CNTNAP2: variants seen among roughly 807,000 people sequenced by gnomAD.
CNTNAP2 encodes contactin-associated protein-like 2.
In CNTNAP2, 98 loss-of-function variants were observed where a neutral mutation model predicts 155.2. The ratio of observed to expected loss-of-function variants is 0.63; its 90% CI spans 0.54 to 0.75. CNTNAP2 has a LOEUF of 0.75. CNTNAP2 is among the 30% of genes least tolerant of loss of function. The pLI is 0.00. For synonymous variants in CNTNAP2, 651 were observed against 631.2 expected, an observed-to-expected ratio of 1.03 and a Z score of -0.47; for missense variants, 1,727 against 1,688.1, an observed-to-expected ratio of 1.02 and a Z score of -0.40.
chr7:147,826,472 G>A (rs1402104212), intron 13 of CNTNAP2, among the ~76,000 whole-genome samples: 1 of 152,102 alleles, frequency 6.6e-6, no homozygotes, highest in African/African-American at 2.4e-5. Flanking sequence ...TGGTGACCAA[G>A]AATTTCCTTT....
chr7:147,163,335 AAAT>A (rs546981543), intron 8 of CNTNAP2, among the ~76,000 whole-genome samples: 92 of 152,330 alleles, frequency 6.0e-4, no homozygotes, highest in African/African-American at 2.1e-3. Context: ...AAACAGAAAT[AAAT>A]AATAACACAG....
At chr7:146,599,719 A>G (rs1257335167) in intron 1 of CNTNAP2, among the ~76,000 whole-genome samples, 1 of 146,816 alleles carries the variant, frequency 6.8e-6, no homozygotes, top group Non-Finnish European at 1.5e-5. Context: ...CTATAGAGAC[A>G]GAGAGCCAGA....
At chr7:147,807,322 C>CAAAAAAAAAAA (rs768465391) in intron 13 of CNTNAP2, among the ~76,000 whole-genome samples, 1 of 64,776 alleles carries the variant, frequency 1.5e-5, no homozygotes, top group African/African-American at 6.1e-5. Flanking sequence ...GTCCTTGACT[C>CAAAAAAAAAAA]AAAAAAAAAA....
At chr7:146,777,982 T>A (rs1013860716) in intron 2 of CNTNAP2, among the ~76,000 whole-genome samples, 7 of 152,158 alleles carry the variant, frequency 4.6e-5, no homozygotes, top group Admixed American at 2.0e-4. Context: ...AGAAAAAATA[T>A]ATGAACATTA....
intron 1 of CNTNAP2, among the ~76,000 whole-genome samples, chr7:146,631,283 T>C (rs142273401): frequency 5.5e-4 from 84 of 152,266 alleles, no homozygotes; most frequent in African/African-American, 1.7e-3. Context: ...GGAAAACAAA[T>C]ATTTGAAATG....
intron 13 of CNTNAP2, among the ~76,000 whole-genome samples, chr7:147,887,090 C>G (rs1199544904): frequency 1.3e-5 from 2 of 152,204 alleles, no homozygotes; most frequent in Non-Finnish European, 2.9e-5. Flanking sequence ...CCATGCCTCT[C>G]CCTTGCTTTA....
intron 16 of CNTNAP2, among the ~76,000 whole-genome samples, chr7:148,143,286 G>C (rs1005831516): frequency 6.6e-6 from 1 of 152,178 alleles, no homozygotes; most frequent in Non-Finnish European, 1.5e-5. Context: ...CTCTATATCA[G>C]TTAAGATGCT....
chr7:146,844,050 A>G (rs1803796806), intron 3 of CNTNAP2, among the ~76,000 whole-genome samples: 1 of 152,160 alleles, frequency 6.6e-6, no homozygotes, highest in Non-Finnish European at 1.5e-5. Flanking sequence ...GAAATGGACA[A>G]CATAAGTAAT....
rs142645149 is a variant in CNTNAP2 at position 146,131,438 on chromosome 7, T to A, written c.97+14465T>A. ...TCTCACATAGTTTTTATTAGAGAGG[T>A]ATGCATTTATAAGCTGCCAACAAGT... On this transcript the variant is annotated intron_variant, in intron 1 of 23. Transcript: ENST00000361727. Among the ~76,000 whole-genome samples the A allele has an allele frequency of 2.6e-5, 4 of 152,328 alleles. No homozygotes were observed. The East Asian group carries it at 7.7e-4, about 29-fold the overall frequency.
At chr7:147,596,978 G>C (rs1800836886) in intron 12 of CNTNAP2, among the ~76,000 whole-genome samples, 1 of 145,744 alleles carries the variant, frequency 6.9e-6, no homozygotes, top group Non-Finnish European at 1.5e-5. Context: ...ATGGTCTAAA[G>C]AAGGGAGGAG....
At position 148,250,843 on chromosome 7, in the gene CNTNAP2, CT is replaced by C. The variant is rs778942554; in HGVS notation, c.3382-16187del. 8.2e-4 allele frequency among the ~76,000 whole-genome samples: 125 copies of C among 152,196 alleles called. 2 individuals are homozygous for C. The highest frequency in any genetic ancestry group is 6.1e-3 in the Admixed American group (93 of 15,276). Reference sequence around the variant, plus strand: ...CAAATCTATTCATATTTTTGTTTTGCTTTGTTTTTTCTGCTCTGTTTAGAGT... The same window carrying C: ...CAAATCTATTCATATTTTTGTTTTGCTTGTTTTTTCTGCTCTGTTTAGAGT... On this transcript the variant is annotated intron_variant, in intron 20 of 23. Transcript: ENST00000361727.
chr7:148,086,813 C>T (rs1211980323), intron 15 of CNTNAP2, among the ~76,000 whole-genome samples: 2 of 152,198 alleles, frequency 1.3e-5, no homozygotes, highest in East Asian at 3.8e-4. Flanking sequence ...TAAGGAGATT[C>T]AGACACTAGC....
chr7:147,339,196 C>CA lies in CNTNAP2; in HGVS notation c.1498+38914dup, dbSNP rs200112329. ...CTGTGGTTTGGATGTGATTTGCTTC[C>CA]AAAAAAAATGATATTAAAATTTAAT... On this transcript the variant is annotated intron_variant, in intron 9 of 23. Transcript: ENST00000361727. Among the ~76,000 whole-genome samples the CA allele has an allele frequency of 4.1e-5, 5 of 122,992 alleles. No individual in the cohort carries two copies. In the South Asian group the frequency reaches 9.2e-4, roughly 23 times the overall value. 80.7% of individuals were successfully genotyped at this position (122,992 alleles called of 152,430 possible).
intron 13 of CNTNAP2, among the ~76,000 whole-genome samples, chr7:147,736,092 A>T (rs1255390738): frequency 7.3e-5 from 11 of 150,638 alleles, no homozygotes; most frequent in Non-Finnish European, 1.3e-4. Context: ...TTTGCTCGTT[A>T]GTTGATGCAG....
At chr7:146,173,272 T>C (rs114167606) in intron 1 of CNTNAP2, among the ~76,000 whole-genome samples, 2,325 of 152,328 alleles carry the variant, frequency 0.015, 52 homozygotes, top group African/African-American at 0.052. Context: ...TAATCTCATA[T>C]TAAGGATTGA....
chr7:146,272,840 G>A (rs1227542709), intron 1 of CNTNAP2, among the ~76,000 whole-genome samples: 1 of 152,146 alleles, frequency 6.6e-6, no homozygotes, highest in African/African-American at 2.4e-5. Context: ...GGAGCAAGAG[G>A]TAAGACCTGA....
At chr7:146,358,638 A>G (rs2129100338) in intron 1 of CNTNAP2, among the ~76,000 whole-genome samples, 1 of 152,352 alleles carries the variant, frequency 6.6e-6, no homozygotes, top group South Asian at 2.1e-4. Flanking sequence ...AGCAAGCTAA[A>G]GATTGTTGAT....
chr7:147,406,188 AAAAAG>A (rs1217319116), intron 10 of CNTNAP2, among the ~76,000 whole-genome samples: 1 of 141,910 alleles, frequency 7.0e-6, no homozygotes, highest in African/African-American at 2.8e-5. Context: ...AATACAGAGA[AAAAAG>A]AAAAGGAAAG....
intron 3 of CNTNAP2, among the ~76,000 whole-genome samples, chr7:147,034,368 C>G (rs1563052051): frequency 6.6e-6 from 1 of 152,168 alleles, no homozygotes; most frequent in Non-Finnish European, 1.5e-5. Context: ...CTCACTTCTT[C>G]AGTGCTCCCC....
Sources: allele counts gnomAD v4.1 joint callset (sites outside exome capture counted in the v4.1 genomes callset), GRCh38; gene constraint gnomAD v4.1.1; transcripts MANE v1.5; gene names NCBI Gene and HGNC (gene_info 2026-07-23, HGNC 2026-07-21).